AIM2: variants seen among roughly 807,000 people sequenced by gnomAD.
AIM2 encodes absent in melanoma 2, also known as interferon-inducible protein AIM2.
Under a neutral mutation model 27.7 loss-of-function variants are expected in AIM2, and 30 were observed. The observed-to-expected ratio is 1.08, with a 90% CI of 0.81 to 1.47. The LOEUF is 1.47. Ranked by LOEUF, AIM2 falls within the 40% of genes most tolerant of loss-of-function variation. The pLI is 0.00. For missense variants in AIM2, 358 were observed against 411.3 expected, an observed-to-expected ratio of 0.87 and a Z score of 1.12; for synonymous variants, 141 against 145.3, an observed-to-expected ratio of 0.97 and a Z score of 0.21.
At chr1:159,056,900 AAG>A in the AIM2 span, among the ~76,000 whole-genome samples, 1 of 152,148 alleles carries the variant, frequency 6.6e-6, no homozygotes, top group African/African-American at 2.4e-5. Flanking sequence ...CCTATCAGTG[AAG>A]AGAGAACTGA....
At chr1:159,068,485 A>G in intron 3 of AIM2, 83 bp downstream of exon 3, 1 of 1,490,794 alleles carries the variant, frequency 6.7e-7, no homozygotes, top group South Asian at 1.4e-5. Flanking sequence ...GCTGTGAGAT[A>G]AAGAACAGAG....
intron 1 of AIM2, among the ~76,000 whole-genome samples, chr1:159,126,092 C>T (rs931830158): frequency 1.3e-5 from 2 of 152,194 alleles, no homozygotes; most frequent in Non-Finnish European, 2.9e-5. Context: ...TCATTTCTGC[C>T]TCTAACTTGA....
intron 3 of AIM2, among the ~76,000 whole-genome samples, chr1:159,067,344 G>A (rs992597445): frequency 1.3e-5 from 2 of 152,118 alleles, no homozygotes; most frequent in Non-Finnish European, 2.9e-5. Context: ...GTTTGTTTTG[G>A]GAGAAAATAC....
intron 1 of AIM2, among the ~76,000 whole-genome samples, chr1:159,086,741 C>A (rs980897311): frequency 6.6e-6 from 1 of 152,212 alleles, no homozygotes; most frequent in Non-Finnish European, 1.5e-5. Context: ...ACCTGTGTGG[C>A]CTTGAGTAAG....
intron 1 of AIM2, among the ~76,000 whole-genome samples, chr1:159,116,318 C>G (rs1647349545): frequency 6.6e-6 from 1 of 152,140 alleles, no homozygotes; most frequent in African/African-American, 2.4e-5. Context: ...TTTGACCCAG[C>G]AATCCCATTA....
At chr1:159,106,946 C>G (rs1348596327) in intron 1 of AIM2, among the ~76,000 whole-genome samples, 1 of 152,140 alleles carries the variant, frequency 6.6e-6, no homozygotes, top group African/African-American at 2.4e-5. Context: ...ATGTCAATAC[C>G]TTTTACTTTT....
the AIM2 span, among the ~76,000 whole-genome samples, chr1:159,056,483 C>T: frequency 1.3e-5 from 2 of 151,912 alleles, no homozygotes; most frequent in African/African-American, 4.8e-5. Flanking sequence ...GGTGCTGTTT[C>T]GGCAAAACAG....
upstream of AIM2, among the ~76,000 whole-genome samples, chr1:159,143,975 T>A (rs368046424): frequency 6.6e-6 from 1 of 152,210 alleles, no homozygotes. Context: ...ACACAAAGGC[T>A]ATAACCCTGG....
At chr1:159,098,535 CG>C (rs1302302996) in intron 1 of AIM2, among the ~76,000 whole-genome samples, 1 of 152,066 alleles carries the variant, frequency 6.6e-6, no homozygotes, top group Non-Finnish European at 1.5e-5. Flanking sequence ...ATATTTCCAG[CG>C]TTATAAAAAG....
chr1:159,056,717 C>CAAAAAAAAAA, the AIM2 span, among the ~76,000 whole-genome samples: 5 of 44,206 alleles, frequency 1.1e-4, no homozygotes, highest in Non-Finnish European at 1.6e-4. Flanking sequence ...GCCCAACCGG[C>CAAAAAAAAAA]AAAAAAAAAA....
chr1:159,141,603 C>T (rs925408885), upstream of AIM2, among the ~76,000 whole-genome samples: 5 of 152,120 alleles, frequency 3.3e-5, no homozygotes, highest in African/African-American at 9.7e-5. Flanking sequence ...AGGCACCTGC[C>T]AGGTGACCAT....
chr1:159,127,483 G>A (rs1050581073), intron 1 of AIM2, among the ~76,000 whole-genome samples: 7 of 152,186 alleles, frequency 4.6e-5, no homozygotes, highest in African/African-American at 1.7e-4. Flanking sequence ...GCCATTGGGA[G>A]GCAAAGTCTC....
the AIM2 span, among the ~76,000 whole-genome samples, chr1:159,056,808 C>A: frequency 6.8e-6 from 1 of 146,744 alleles, no homozygotes; most frequent in Non-Finnish European, 1.5e-5. Flanking sequence ...CAATCCTAAG[C>A]TGACCAGTTT....
At chr1:159,135,676 C>T (rs1647999245) in intron 1 of AIM2, among the ~76,000 whole-genome samples, 1 of 152,050 alleles carries the variant, frequency 6.6e-6, no homozygotes, top group Non-Finnish European at 1.5e-5. Flanking sequence ...TCTAAGCAGT[C>T]GGATATTTTG....
intron 1 of AIM2, among the ~76,000 whole-genome samples, chr1:159,124,781 G>A (rs1390630648): frequency 1.3e-5 from 2 of 152,160 alleles, no homozygotes; most frequent in African/African-American, 2.4e-5. Context: ...TCTCTCCCCA[G>A]CTCAGTAGAG....
At chr1:159,129,970 C>T (rs1647822447) in intron 1 of AIM2, among the ~76,000 whole-genome samples, 1 of 152,214 alleles carries the variant, frequency 6.6e-6, no homozygotes, top group Non-Finnish European at 1.5e-5. Context: ...TTCTCACTCA[C>T]TTGGGAACTC....
At chr1:159,143,782 A>G (rs1357585984), upstream of AIM2, among the ~76,000 whole-genome samples, 2 of 152,174 alleles carry the variant, frequency 1.3e-5, no homozygotes, top group Admixed American at 6.5e-5. Context: ...AGCTTCATTC[A>G]TTATCTGTAA....
intron 1 of AIM2, among the ~76,000 whole-genome samples, chr1:159,111,812 A>AC (rs1657579877): frequency 6.7e-6 from 1 of 148,612 alleles, no homozygotes; most frequent in Non-Finnish European, 1.5e-5. Flanking sequence ...AAAAAAAAAA[A>AC]AACTATCTAT....
chr1:159,094,296 A>C (rs1183535215), intron 1 of AIM2, among the ~76,000 whole-genome samples: 2 of 152,210 alleles, frequency 1.3e-5, no homozygotes, highest in African/African-American at 4.8e-5. Context: ...ACCTAATACT[A>C]ATATTTCATA....
Sources: allele counts gnomAD v4.1 joint callset (sites outside exome capture counted in the v4.1 genomes callset), GRCh38; gene constraint gnomAD v4.1.1; transcripts MANE v1.5; gene names NCBI Gene and HGNC (gene_info 2026-07-23, HGNC 2026-07-21).